The following MT4 variants were observed in gnomAD, a reference collection of about 807,000 sequenced individuals.
The protein encoded by MT4 is metallothionein-4.
In MT4, 11 loss-of-function variants were observed where a neutral mutation model predicts 9.5. That is an observed-to-expected ratio of 1.16 (90% confidence interval 0.73 to 1.92). The LOEUF (loss-of-function observed/expected upper bound fraction) is 1.92. MT4 is among the 30% of genes most tolerant of loss of function. MT4 has a pLI of 0.00. For synonymous variants in MT4, 29 were observed against 24.6 expected (o/e 1.18, Z -0.53); for missense variants, 88 against 78.7 (o/e 1.12, Z -0.45).
intron 1 of MT4, 133 bp from the exon 2 acceptor site, chr16:56,567,618 G>C: frequency 1.3e-6 from 1 of 764,234 alleles, no homozygotes; most frequent in South Asian, 1.6e-5. Flanking sequence ...CAGCAGCCTT[G>C]TCACCCTCTT....
chr16:56,567,910 T>C, intron 2 of MT4, 94 bp downstream of exon 2: 2 of 1,071,648 alleles, frequency 1.9e-6, no homozygotes, highest in Middle Eastern at 2.2e-4. Flanking sequence ...CCCAGCACTT[T>C]GGGAGGCCGA....
intron 1 of MT4, among the ~76,000 whole-genome samples, chr16:56,567,093 G>A (rs1245538479): frequency 3.3e-5 from 5 of 151,672 alleles, no homozygotes; most frequent in African/African-American, 4.8e-5. Context: ...GTGTGATCTC[G>A]GCTCACTGCA....
chr16:56,568,287 A>AAG (rs1959577608), intron 2 of MT4, among the ~76,000 whole-genome samples: 2 of 134,576 alleles, frequency 1.5e-5, no homozygotes, highest in Non-Finnish European at 3.2e-5. Context: ...GAAAGAAAGA[A>AAG]AGAAAGAAAG....
chr16:56,567,361 C>T (rs1959549400), intron 1 of MT4, among the ~76,000 whole-genome samples: 1 of 152,056 alleles, frequency 6.6e-6, no homozygotes, highest in South Asian at 2.1e-4. Flanking sequence ...CTTAGAGGAA[C>T]CTTGGGCTTG....
intron 2 of MT4, among the ~76,000 whole-genome samples, chr16:56,568,223 GAA>G (rs573333967): frequency 0.16 from 7,870 of 49,024 alleles, 832 homozygotes; most frequent in Middle Eastern, 0.26. Flanking sequence ...GAGAAAGAAA[GAA>G]AGAAAGAAAG....
At chr16:56,567,843 G>T (rs758579739) in intron 2 of MT4, 27 bp downstream of exon 2, 3 of 1,588,456 alleles carry the variant, frequency 1.9e-6, no homozygotes, top group Non-Finnish European at 2.6e-6. Flanking sequence ...GGGGCACCAT[G>T]GGCTGGGAGT....
rs1959553871 is a variant in MT4 at position 56,567,741 on chromosome 16, T to C, written c.32-10T>C. On this transcript the variant is annotated splice_polypyrimidine_tract_variant and intron_variant, in intron 1 of 2. Transcript: ENST00000219162. Reference sequence around the variant, plus strand: ...CCTCACGTTTGTGGTGGCTCTGTCCTGTCTTCTAGGAGGAATCTGCATGTG... The same window carrying C: ...CCTCACGTTTGTGGTGGCTCTGTCCCGTCTTCTAGGAGGAATCTGCATGTG... 6.2e-7 allele frequency: 1 copy of C among 1,612,842 alleles called. No homozygotes were observed. Among genetic ancestry groups the C allele is most frequent in the East Asian group, 2.2e-5 (1 of 44,838 alleles).
chr16:56,568,241 A>G (rs1029024644), intron 2 of MT4, among the ~76,000 whole-genome samples: 994 of 27,094 alleles, frequency 0.037, 8 homozygotes, highest in Middle Eastern at 0.062. Context: ...GAAAGAAAGA[A>G]AGAAAGAAAG....
At position 56,565,154 on chromosome 16, in the gene MT4, T is replaced by A. The variant is rs1233352646; in HGVS notation, c.26T>A (p.Met9Lys). Residue 9 changes from methionine (M) to lysine (K), a missense_variant, in exon 1 of 3, where the codon ATG (methionine) becomes AAG (lysine). Met to Lys is a moderately conservative substitution (Grantham distance 95, BLOSUM62 -1). Transcript: ENST00000219162. MDPRECVC[M>K]SGGICMCGDN... ...ATGGACCCCAGGGAATGTGTCTGCA[T>A]GTCTGGTGAGTAAAGAAGCCCTCCC... The A allele has an allele frequency of 1.9e-6, 3 of 1,612,890 alleles. No homozygotes were observed. The East Asian group carries it at 6.7e-5, about 36-fold the overall frequency.
intron 1 of MT4, among the ~76,000 whole-genome samples, chr16:56,567,134 G>A (rs535774602): frequency 5.9e-5 from 9 of 151,980 alleles, no homozygotes; most frequent in South Asian, 4.2e-4. Flanking sequence ...AGAGATTCTC[G>A]TGTCTCAGCC....
At chr16:56,566,928 C>T (rs1240093082) in intron 1 of MT4, among the ~76,000 whole-genome samples, 6 of 152,052 alleles carry the variant, frequency 3.9e-5, no homozygotes, top group African/African-American at 1.4e-4. Context: ...CTCTGTGGCT[C>T]TTGTTTTGAG....
At chr16:56,568,227 GAAAGAA>G (rs1959567895) in intron 2 of MT4, among the ~76,000 whole-genome samples, 1 of 53,960 alleles carries the variant, frequency 1.9e-5, no homozygotes, top group East Asian at 4.9e-4. Context: ...AAGAAAGAAA[GAAAGAA>G]AGAAAGAAAG....
At position 56,565,123 on chromosome 16, in the gene MT4, T is replaced by C; in HGVS notation, c.-6T>C. 1 of 1,613,262 alleles carries C rather than the reference T, an allele frequency of 6.2e-7. No individual in the cohort carries two copies. The highest frequency in any genetic ancestry group is 1.1e-5 in the South Asian group (1 of 90,848). ...ACAGCACTGGAGCCTTTCGGACACC[T>C]GGACCATGGACCCCAGGGAATGTGT... is the stretch of plus-strand genomic sequence containing the variant. On this transcript the variant is annotated 5_prime_UTR_variant, in exon 1 of 3. Transcript: ENST00000219162.
At chr16:56,565,358 C>T (rs935044317) in intron 1 of MT4, among the ~76,000 whole-genome samples, 199 bp downstream of exon 1, 3 of 152,210 alleles carry the variant, frequency 2.0e-5, no homozygotes, top group Admixed American at 2.0e-4. Context: ...TTTCTAGAAT[C>T]GATATCCTAG....
chr16:56,568,329 GAA>G (rs1959580866), intron 2 of MT4, among the ~76,000 whole-genome samples: 1 of 150,462 alleles, frequency 6.6e-6, no homozygotes, highest in Non-Finnish European at 1.5e-5. Flanking sequence ...AAGAAAGAAA[GAA>G]AGAAAGATCC....
At chr16:56,566,795 AAAGAAAGAAAGAAAGAAAGAAAGAAAAG>A (rs1215882459) in intron 1 of MT4, among the ~76,000 whole-genome samples, 89 of 43,068 alleles carry the variant, frequency 2.1e-3, no homozygotes, top group African/African-American at 5.2e-3. Context: ...AGAAAGAAAG[AAAGAAAGAAAGAAAGAAAGAAAGAAAAG>A]AAAGAAAGAA....
At chr16:56,565,983 G>C (rs1390117192) in intron 1 of MT4, among the ~76,000 whole-genome samples, 1 of 151,644 alleles carries the variant, frequency 6.6e-6, no homozygotes. Flanking sequence ...AGGATCACTT[G>C]AGCCCAGGAG....
In MT4 at chr16:56,565,137, C is replaced by T. The variant is rs759256357; in HGVS notation, c.9C>T (p.Pro3=). 1 of 1,613,196 alleles carries T rather than the reference C, an allele frequency of 6.2e-7. No individual in the cohort carries two copies. The highest frequency in any genetic ancestry group is 1.7e-5 in the Admixed American group (1 of 59,888). MD[P]RECVCMSGGI... ...TTTCGGACACCTGGACCATGGACCC[C>T]AGGGAATGTGTCTGCATGTCTGGTG... Residue 3 remains proline (P), a synonymous_variant, in exon 1 of 3, where the codon CCC becomes CCT. Transcript: ENST00000219162.
Position 56,567,793 on chromosome 16 carries a change from G to A in MT4, c.74G>A (p.Cys25Tyr), listed in dbSNP as rs771345815. The A allele has an allele frequency of 1.9e-6, 3 of 1,613,390 alleles. No homozygotes were observed. Among genetic ancestry groups the A allele is most frequent in the South Asian group, 2.2e-5 (2 of 91,072 alleles). ...MCGDNCKCTT[C>Y]NCKTYWKSCC... ...GGAGACAACTGCAAATGCACAACCT[G>A]CAACTGTAAAACATATTGGAAGAGT... is the stretch of plus-strand genomic sequence containing the variant. Residue 25 changes from cysteine (C) to tyrosine (Y), a missense_variant, in exon 2 of 3, where the codon TGC (cysteine) becomes TAC (tyrosine). Physicochemically the swap from Cys to Tyr is radical, Grantham distance 194. Coordinates refer to ENST00000219162, the MANE Select transcript of MT4 (RefSeq NM_032935.3).
Sources: allele counts gnomAD v4.1 joint callset (sites outside exome capture counted in the v4.1 genomes callset), GRCh38; gene constraint gnomAD v4.1.1; transcripts MANE v1.5; gene names NCBI Gene and HGNC (gene_info 2026-07-23, HGNC 2026-07-21).